Variants in UMODL1 observed in about 807,000 individuals in gnomAD.
The protein encoded by UMODL1 is uromodulin like 1, also known as uromodulin-like 1.
A neutral mutation model predicts 136.3 loss-of-function variants in UMODL1; 128 were observed. That is an observed-to-expected ratio of 0.94 (90% CI 0.81 to 1.09). The LOEUF (loss-of-function observed/expected upper bound fraction) is 1.09, where lower values mean the gene tolerates loss of function less well. Among genes scored for constraint, UMODL1 ranks in the 50% least tolerant of loss-of-function variants. UMODL1 has a pLI of 0.00. For missense variants in UMODL1, 1,766 were observed against 1,725.6 expected (o/e 1.02, Z -0.41); for synonymous variants, 721 against 720.0 (o/e 1.00, Z -0.02).
chr21:42,104,676 C>T (rs1456612081), intron 9 of UMODL1, among the ~76,000 whole-genome samples: 4 of 152,194 alleles, frequency 2.6e-5, no homozygotes, highest in African/African-American at 9.7e-5. Context: ...TCTCGAACTC[C>T]TGACCTCAGG....
At chr21:42,071,009 C>T (rs1483236874), upstream of UMODL1, among the ~76,000 whole-genome samples, 3 of 152,234 alleles carry the variant, frequency 2.0e-5, no homozygotes, top group Admixed American at 6.5e-5. Flanking sequence ...TGGGATCCAG[C>T]GATGCGGTCT....
chr21:42,079,275 G>A (rs773505471), intron 2 of UMODL1, among the ~76,000 whole-genome samples: 58 of 152,206 alleles, frequency 3.8e-4, no homozygotes, highest in Non-Finnish European at 7.9e-4. Context: ...AGAAGATAGG[G>A]AGGCCTCTCC....
In UMODL1 at chr21:42,137,571, A is replaced by G; in HGVS notation, c.3908A>G (p.Asn1303Ser). The change falls in exon 22 of 23, where the codon AAC becomes AGC. Residue 1303 changes from asparagine (N) to serine (S), a missense_variant. Physicochemically the swap from Asn to Ser is conservative, Grantham distance 46 (BLOSUM62 1). Transcript: ENST00000408910. The stretch of plus-strand genomic sequence containing the variant: ...TACCAGAGAATGAATGGGAGATACA[A>G]CTTTAAAATCCAGTCCAACAACTTC... The part of the protein sequence containing the change: ...VRYQRMNGRY[N>S]FKIQSNNFSY... 6.2e-7 allele frequency: 1 copy of G among 1,614,160 alleles called. No individual in the cohort carries two copies. The highest frequency in any genetic ancestry group is 1.1e-5 in the South Asian group (1 of 91,078).
chr21:42,068,737 TGTAA>T (rs1346729812), upstream of UMODL1, among the ~76,000 whole-genome samples: 4 of 151,100 alleles, frequency 2.6e-5, no homozygotes, highest in East Asian at 7.7e-4. This position sits in a 1 kb window ranked among gnomAD's most constrained non-coding sequence, Gnocchi z 5.5. Context: ...AGTTTGTGTT[TGTAA>T]GTGTGTGTAA....
intron 8 of UMODL1, 195 bp from the exon 9 acceptor site, chr21:42,103,673 C>A (rs1436450036): frequency 1.4e-6 from 1 of 722,888 alleles, no homozygotes; most frequent in Non-Finnish European, 2.5e-6. Context: ...CAGGCCCGGC[C>A]GTCCCAGGGA....
chr21:42,113,476 C>T, intron 12 of UMODL1, 97 bp from the exon 13 acceptor site: 1 of 1,466,452 alleles, frequency 6.8e-7, no homozygotes, highest in East Asian at 2.3e-5. Flanking sequence ...CGCTCATGTC[C>T]CCATGGTGAT....
rs1030636860 is a variant in UMODL1, at chr21:42,099,456, C to G, written c.1186+276C>G. Among the ~76,000 whole-genome samples, 1 of 152,088 alleles carries G rather than the reference C, an allele frequency of 6.6e-6. No individual in the cohort carries two copies. Among genetic ancestry groups the G allele is most frequent in the African/African-American group, 2.4e-5 (1 of 41,386 alleles). On this transcript the variant is annotated intron_variant, in intron 7 of 22. Coordinates refer to ENST00000408910, the MANE Select transcript of UMODL1 (RefSeq NM_001004416.3). The surrounding 1 kb of genome is among the most constrained non-coding windows in gnomAD (Gnocchi z 4.1). ...GGGACAACATGTGGACTCAGAAGCACCAATAAGGCATCAGCTAGGGTGAAG... is the reference window on the plus strand; with the variant it reads ...GGGACAACATGTGGACTCAGAAGCAGCAATAAGGCATCAGCTAGGGTGAAG...
At chr21:42,131,393 G>A (rs868358374) in intron 21 of UMODL1, among the ~76,000 whole-genome samples, 3 of 145,430 alleles carry the variant, frequency 2.1e-5, no homozygotes, top group African/African-American at 7.7e-5. Context: ...CCATGAAGCT[G>A]GGGAACAGGA....
chr21:42,082,545 G>C (rs2066374243), intron 2 of UMODL1, among the ~76,000 whole-genome samples: 1 of 152,192 alleles, frequency 6.6e-6, no homozygotes, highest in African/African-American at 2.4e-5. Flanking sequence ...CCACCGTCAG[G>C]GTGGCTGGCT....
intron 10 of UMODL1, among the ~76,000 whole-genome samples, chr21:42,110,510 C>T (rs917042698): frequency 2.0e-5 from 3 of 152,230 alleles, no homozygotes; most frequent in African/African-American, 7.2e-5. Flanking sequence ...CACCAAGTCC[C>T]ACATTGAGCA....
intron 6 of UMODL1, among the ~76,000 whole-genome samples, chr21:42,096,089 C>A (rs781450063): frequency 6.6e-6 from 1 of 151,984 alleles, no homozygotes; most frequent in Non-Finnish European, 1.5e-5. Flanking sequence ...ATGCTGGGTG[C>A]ATAGTAGAAG....
intron 17 of UMODL1, among the ~76,000 whole-genome samples, chr21:42,125,175 G>A (rs1275606365): frequency 6.6e-6 from 1 of 152,196 alleles, no homozygotes; most frequent in Non-Finnish European, 1.5e-5. Context: ...AGTGGGAACC[G>A]GGTGGACGTC....
At chr21:42,108,925 G>A (rs1181524891) in intron 9 of UMODL1, among the ~76,000 whole-genome samples, 1 of 82,184 alleles carries the variant, frequency 1.2e-5, no homozygotes, top group African/African-American at 4.4e-5. Context: ...CCCCCCCCAC[G>A]AGAGAAGTCC....
chr21:42,076,236 A>G lies in UMODL1; in HGVS notation c.308A>G (p.Tyr103Cys), dbSNP rs771227699. ...CCEGYEQLGLYCVLPLNQSGQ... is the reference protein window; with the variant it reads ...CCEGYEQLGLCCVLPLNQSGQ... ...GAGGGCTATGAACAGCTCGGCCTCT[A>G]CTGTGTCTTGCGTGAGTCCAGGGCT... The change falls in exon 2 of 23, where the codon TAC (tyrosine) becomes TGC (cysteine). Residue 103 changes from tyrosine (Y) to cysteine (C), a missense_variant. By Grantham distance (194) the Tyr-to-Cys change is radical. Transcript: ENST00000408910. 3.1e-6 allele frequency: 5 copies of G among 1,613,978 alleles called. No homozygotes were observed. In the Admixed American group the frequency reaches 6.7e-5, roughly 22 times the overall value.
At chr21:42,082,115 A>G (rs944243451) in intron 2 of UMODL1, among the ~76,000 whole-genome samples, 1 of 152,218 alleles carries the variant, frequency 6.6e-6, no homozygotes, top group African/African-American at 2.4e-5. Context: ...CGCCAGGCAG[A>G]CAGGGCTGGG....
intron 21 of UMODL1, among the ~76,000 whole-genome samples, chr21:42,134,797 A>G (rs1434095006): frequency 7.0e-6 from 1 of 143,282 alleles, no homozygotes; most frequent in Non-Finnish European, 1.5e-5. Flanking sequence ...TTTTTTTTAT[A>G]TTTTTTTAGT....
At chr21:42,116,223 G>A (rs78731538) in intron 14 of UMODL1, among the ~76,000 whole-genome samples, 22 of 149,624 alleles carry the variant, frequency 1.5e-4, no homozygotes, top group East Asian at 7.8e-4. Context: ...TCATGGTGGC[G>A]CATGTTTGTG....
Position 42,137,514 on chromosome 21 carries a change from TG to T in UMODL1, c.3853del (p.Ala1285ArgfsTer7), listed in dbSNP as rs762417295. On this transcript the variant is annotated frameshift_variant, in exon 22 of 23. Transcript: ENST00000408910. LOFTEE classifies it high-confidence loss of function. ...ATTGTGGTGGCCATCTTCGTGCTGG[TG>T]GCGGGAACAGCCACCCTTCTGATCG... ...VLIVVAIFVL[V>X]AGTATLLIVR... is the part of the protein sequence containing the mutation. The T allele has an allele frequency of 6.2e-7, 1 of 1,614,114 alleles. No homozygotes were observed. Among genetic ancestry groups the T allele is most frequent in the Non-Finnish European group, 8.5e-7 (1 of 1,180,048 alleles).
rs1287562510 is a variant in UMODL1 at position 42,078,140 on chromosome 21, A to G, written c.319+1893A>G. Reference sequence around the variant, plus strand: ...ACCAACACCTCCATCACCAACAGAAACCAGGCAGGGCCAGCTGACCCCAGA... The same window carrying G: ...ACCAACACCTCCATCACCAACAGAAGCCAGGCAGGGCCAGCTGACCCCAGA... On this transcript the variant is annotated intron_variant, in intron 2 of 22. Transcript: ENST00000408910. Among the ~76,000 whole-genome samples, 11 of 149,674 alleles carry G rather than the reference A, an allele frequency of 7.3e-5. No individual in the cohort carries two copies. In the East Asian group the frequency reaches 1.7e-3, roughly 24 times the overall value.
Sources: allele counts gnomAD v4.1 joint callset (sites outside exome capture counted in the v4.1 genomes callset), GRCh38; gene constraint gnomAD v4.1.1; non-coding constraint Gnocchi (gnomAD v3.1); transcripts MANE v1.5; gene names NCBI Gene and HGNC (gene_info 2026-07-23, HGNC 2026-07-21).